Variants in KIF5B observed in about 807,000 individuals in gnomAD.
KIF5B encodes the protein kinesin family member 5B.
KIF5B carries 49 observed loss-of-function variants against 132.8 expected under a neutral mutation model. That is an observed-to-expected ratio of 0.37 (90% CI 0.29 to 0.47). The LOEUF is 0.47. Among genes scored for constraint, KIF5B ranks in the 20% least tolerant of loss-of-function variants. KIF5B has a pLI of 1.00. For synonymous variants in KIF5B, 355 were observed against 369.4 expected (o/e 0.96, Z 0.45); for missense variants, 780 against 1,144.0 (o/e 0.68, Z 4.59).
intron 14 of KIF5B, among the ~76,000 whole-genome samples, chr10:32,030,012 T>C (rs1841381557): frequency 6.6e-6 from 1 of 152,162 alleles, no homozygotes; most frequent in African/African-American, 2.4e-5. Flanking sequence ...TTTAGACAAG[T>C]TAATGTGAGC....
At chr10:32,054,625 A>G (rs879033102) in intron 1 of KIF5B, among the ~76,000 whole-genome samples, 2 of 152,240 alleles carry the variant, frequency 1.3e-5, no homozygotes, top group Admixed American at 6.5e-5. Flanking sequence ...AGTATTAACT[A>G]TAGAATGACA....
intron 1 of KIF5B, among the ~76,000 whole-genome samples, chr10:32,050,214 G>A (rs1038385213): frequency 2.6e-5 from 4 of 152,134 alleles, no homozygotes; most frequent in Admixed American, 2.6e-4. Flanking sequence ...TTCAAAGTCT[G>A]AAATAAAAGT....
At chr10:32,015,344 T>A (rs1410289250) in intron 25 of KIF5B, among the ~76,000 whole-genome samples, 165 bp downstream of exon 25, 1 of 152,200 alleles carries the variant, frequency 6.6e-6, no homozygotes, top group Non-Finnish European at 1.5e-5. Flanking sequence ...AATTTGAATA[T>A]ATAGTATGAT....
intron 11 of KIF5B, 95 bp from the exon 12 acceptor site, chr10:32,034,133 CAG>C: frequency 5.7e-6 from 4 of 697,412 alleles, no homozygotes; most frequent in Admixed American, 6.8e-5. Flanking sequence ...TTTTTTGAGA[CAG>C]AGTCTCAATC....
In KIF5B at chr10:32,009,266, G is replaced by A. The variant is rs537548432; in HGVS notation, c.*2271C>T. The A allele has an allele frequency of 2.0e-5, 3 of 152,264 alleles. No individual in the cohort carries two copies. The highest frequency in any genetic ancestry group is 7.2e-5 in the African/African-American group (3 of 41,550). 9.4% of individuals were successfully genotyped at this position (152,264 alleles called of 1,614,324 possible). ...GGCAAATAATTTAATTAATCGCCAT[G>A]AATAAATATTCTCTTTATTTCATTG... On this transcript the variant is annotated 3_prime_UTR_variant, in exon 26 of 26. Coordinates refer to ENST00000302418, the MANE Select transcript of KIF5B (RefSeq NM_004521.3).
At chr10:32,043,783 A>G (rs1451997581) in intron 2 of KIF5B, among the ~76,000 whole-genome samples, 2 of 152,218 alleles carry the variant, frequency 1.3e-5, no homozygotes, top group African/African-American at 4.8e-5. Flanking sequence ...ACTTGTCCAG[A>G]TAATTATGAG....
intron 13 of KIF5B, 21 bp downstream of exon 13, chr10:32,032,685 T>C (rs757224106): frequency 4.4e-6 from 7 of 1,585,188 alleles, no homozygotes; most frequent in Admixed American, 1.7e-5. Flanking sequence ...CTGGAAGCAA[T>C]GTAAAAGGTA....
At chr10:32,052,526 T>C (rs1021072928) in intron 1 of KIF5B, among the ~76,000 whole-genome samples, 3 of 152,240 alleles carry the variant, frequency 2.0e-5, no homozygotes, top group Non-Finnish European at 4.4e-5. Context: ...TACTTAATGA[T>C]GCAAATAACC....
At chr10:32,054,689 G>C (rs962052311) in intron 1 of KIF5B, among the ~76,000 whole-genome samples, 2 of 152,184 alleles carry the variant, frequency 1.3e-5, no homozygotes, top group African/African-American at 4.8e-5. Flanking sequence ...AATGTAGAAA[G>C]TTAGTTCTAC....
intron 1 of KIF5B, among the ~76,000 whole-genome samples, chr10:32,052,261 T>G (rs551597340): frequency 6.6e-6 from 1 of 152,196 alleles, no homozygotes; most frequent in Non-Finnish European, 1.5e-5. Flanking sequence ...AACACTATAG[T>G]GGGCTAACAT....
At chr10:32,053,556 T>C (rs1449716327) in intron 1 of KIF5B, among the ~76,000 whole-genome samples, 2 of 151,704 alleles carry the variant, frequency 1.3e-5, no homozygotes, top group Admixed American at 6.6e-5. Flanking sequence ...GAAACCCATC[T>C]CTACTAAAAA....
At chr10:32,038,751 A>C in intron 5 of KIF5B, 27 bp downstream of exon 5, 1 of 1,228,532 alleles carries the variant, frequency 8.1e-7, no homozygotes, top group Non-Finnish European at 1.2e-6. Context: ...ATGTTATTTA[A>C]AACTGATTAG....
chr10:32,039,639 C>G (rs923579695), intron 3 of KIF5B, among the ~76,000 whole-genome samples: 2 of 152,078 alleles, frequency 1.3e-5, no homozygotes, highest in African/African-American at 4.8e-5. Flanking sequence ...AGATCTTAAC[C>G]CTTCATTTAA....
At chr10:32,038,281 A>T (rs1841486964) in intron 5 of KIF5B, 63 bp from the exon 6 acceptor site, 4 of 1,126,898 alleles carry the variant, frequency 3.5e-6, no homozygotes, top group Non-Finnish European at 5.4e-6. Context: ...GATATGAAAT[A>T]ACTGATAGGC....
At position 32,015,600 on chromosome 10, in the gene KIF5B, G is replaced by T. The variant is rs138770073; in HGVS notation, c.2821C>A (p.Arg941Ser). Residue 941 changes from arginine (R) to serine (S), a missense_variant, in exon 25 of 26, where the codon CGT becomes AGT. Coordinates refer to ENST00000302418, the MANE Select transcript of KIF5B (RefSeq NM_004521.3). ...TTCTGAACAAATGCACCTCCTCCACGAATTGCACTTGGGTGAGTTGGAGAA... is the reference window on the plus strand; with the variant it reads ...TTCTGAACAAATGCACCTCCTCCACTAATTGCACTTGGGTGAGTTGGAGAA... The part of the protein sequence containing the change: ...AASPTHPSAI[R>S]GGGAFVQNSQ... 1.9e-6 allele frequency: 3 copies of T among 1,613,598 alleles called. No homozygotes were observed. The highest frequency in any genetic ancestry group is 2.7e-5 in the African/African-American group (2 of 74,900).
At position 32,009,062 on chromosome 10, in the gene KIF5B, A is replaced by T. The variant is rs1329820841; in HGVS notation, c.*2475T>A. The T allele has an allele frequency of 6.6e-6, 1 of 152,200 alleles. No individual in the cohort carries two copies. Among genetic ancestry groups the T allele is most frequent in the Non-Finnish European group, 1.5e-5 (1 of 68,022 alleles). 9.4% of individuals were successfully genotyped at this position (152,200 alleles called of 1,614,324 possible). On this transcript the variant is annotated 3_prime_UTR_variant, in exon 26 of 26. Transcript: ENST00000302418. ...TTTAAACATAAAACGCATTTACAACATGCAAGTTAACTTAAAATTAAACGG... is the reference window on the plus strand; with the variant it reads ...TTTAAACATAAAACGCATTTACAACTTGCAAGTTAACTTAAAATTAAACGG...
intron 15 of KIF5B, among the ~76,000 whole-genome samples, chr10:32,023,352 C>T (rs1841290395): frequency 6.6e-6 from 1 of 152,182 alleles, no homozygotes; most frequent in African/African-American, 2.4e-5. Context: ...AATTTTTTCA[C>T]TTCCTCTTTA....
intron 25 of KIF5B, among the ~76,000 whole-genome samples, chr10:32,013,076 T>C (rs903071796): frequency 6.6e-6 from 1 of 151,950 alleles, no homozygotes; most frequent in Non-Finnish European, 1.5e-5. Flanking sequence ...TGATTTTGTA[T>C]TTTTAGTAGA....
intron 19 of KIF5B, 22 bp from the exon 20 acceptor site, chr10:32,019,981 T>G (rs1279748482): frequency 2.8e-6 from 4 of 1,444,050 alleles, no homozygotes; most frequent in African/African-American, 1.4e-5. Flanking sequence ...AAAAAATAAT[T>G]AACACAGTAT....
Sources: allele counts gnomAD v4.1 joint callset (sites outside exome capture counted in the v4.1 genomes callset), GRCh38; gene constraint gnomAD v4.1.1; transcripts MANE v1.5; gene names NCBI Gene and HGNC (gene_info 2026-07-23, HGNC 2026-07-21).